EYA2: variants seen among roughly 807,000 people sequenced by gnomAD.
The protein encoded by EYA2 is EYA transcriptional coactivator and phosphatase 2.
EYA2 carries 31 observed loss-of-function variants against 69.2 expected under a neutral mutation model. The ratio of observed to expected loss-of-function variants is 0.45; its 90% CI spans 0.34 to 0.60. The LOEUF (loss-of-function observed/expected upper bound fraction) is 0.60, where lower values mean the gene tolerates loss of function less well. EYA2 is among the 20% of genes least tolerant of loss of function. EYA2 has a pLI of 0.02. For synonymous variants in EYA2, 257 were observed against 279.4 expected (o/e 0.92, Z 0.80); for missense variants, 622 against 701.2 (o/e 0.89, Z 1.28).
chr20:46,960,441 G>A (rs1247211716), intron 1 of EYA2, among the ~76,000 whole-genome samples: 3 of 152,098 alleles, frequency 2.0e-5, no homozygotes, highest in Non-Finnish European at 4.4e-5. Flanking sequence ...TACATGAATT[G>A]ATTTACTTAA....
intron 5 of EYA2, 111 bp downstream of exon 5, chr20:47,016,408 C>A: frequency 2.5e-6 from 2 of 799,038 alleles, no homozygotes; most frequent in Non-Finnish European, 4.4e-6. Context: ...ATGTGCCAGG[C>A]TCTATCTCGA....
At chr20:47,004,672 C>G (rs1379244246) in intron 3 of EYA2, among the ~76,000 whole-genome samples, 1 of 152,146 alleles carries the variant, frequency 6.6e-6, no homozygotes, top group Non-Finnish European at 1.5e-5. Flanking sequence ...GTTCATTGGC[C>G]AGGCCTGCGA....
chr20:47,135,860 AC>A (rs2033461231), intron 9 of EYA2, among the ~76,000 whole-genome samples: 11 of 140,206 alleles, frequency 7.8e-5, no homozygotes, highest in African/African-American at 3.1e-4. Flanking sequence ...CAAACAAAAA[AC>A]TAATTAATTA....
chr20:47,118,270 G>T (rs1484817114), intron 9 of EYA2, among the ~76,000 whole-genome samples: 1 of 152,298 alleles, frequency 6.6e-6, no homozygotes, highest in African/African-American at 2.4e-5. Flanking sequence ...TGAGTAAAAG[G>T]TGTTTAGTCT....
chr20:47,020,941 TA>T, intron 5 of EYA2, among the ~76,000 whole-genome samples: 1 of 152,318 alleles, frequency 6.6e-6, no homozygotes, highest in Middle Eastern at 3.4e-3. Context: ...CAGGTTGAGT[TA>T]ACCTCCAAAT....
chr20:47,141,443 T>C (rs1295404341), intron 9 of EYA2, among the ~76,000 whole-genome samples: 1 of 152,204 alleles, frequency 6.6e-6, no homozygotes, highest in Non-Finnish European at 1.5e-5. Context: ...GGCATCAGGA[T>C]TTTTAAAGGC....
chr20:46,988,377 T>C (rs1568707563), intron 1 of EYA2, among the ~76,000 whole-genome samples: 1 of 152,106 alleles, frequency 6.6e-6, no homozygotes, highest in Non-Finnish European at 1.5e-5. Context: ...GAGAAAACTT[T>C]TGACTTAGAG....
intron 5 of EYA2, among the ~76,000 whole-genome samples, chr20:47,063,884 A>G (rs1198271289): frequency 6.6e-6 from 1 of 152,076 alleles, no homozygotes; most frequent in African/African-American, 2.4e-5. Context: ...TCATTCTTTC[A>G]TTGCTTTGCT....
At chr20:47,109,506 T>G (rs776961471) in intron 9 of EYA2, among the ~76,000 whole-genome samples, 3 of 152,196 alleles carry the variant, frequency 2.0e-5, no homozygotes. Context: ...TGACATTGTT[T>G]AAATACCCTG....
At chr20:47,008,482 T>G (rs540260413) in intron 4 of EYA2, among the ~76,000 whole-genome samples, 24 of 152,354 alleles carry the variant, frequency 1.6e-4, no homozygotes, top group Non-Finnish European at 2.6e-4. Flanking sequence ...TTTCCCCTGC[T>G]GTGCTAGAAG....
intron 1 of EYA2, among the ~76,000 whole-genome samples, chr20:46,916,830 A>G (rs1298459736): frequency 6.6e-6 from 1 of 152,176 alleles, no homozygotes; most frequent in African/African-American, 2.4e-5. Context: ...TGTGCCAGAC[A>G]TTCATATGAA....
intron 1 of EYA2, among the ~76,000 whole-genome samples, chr20:46,904,043 T>C (rs1984241321): frequency 6.6e-6 from 1 of 152,162 alleles, no homozygotes; most frequent in Non-Finnish European, 1.5e-5. Context: ...ATCGAGAGAA[T>C]GTTGGGCAGT....
At chr20:47,013,876 C>T (rs1186855695) in intron 4 of EYA2, among the ~76,000 whole-genome samples, 1 of 152,208 alleles carries the variant, frequency 6.6e-6, no homozygotes, top group African/African-American at 2.4e-5. Flanking sequence ...ATTGTTGTTA[C>T]TAAAGTCTGG....
At chr20:46,943,019 G>T (rs945154036) in intron 1 of EYA2, among the ~76,000 whole-genome samples, 1 of 152,222 alleles carries the variant, frequency 6.6e-6, no homozygotes, top group Non-Finnish European at 1.5e-5. Context: ...GCCCGCCTCG[G>T]CCTCCCAAAG....
At chr20:47,174,070 C>A (rs1227543587) in intron 12 of EYA2, among the ~76,000 whole-genome samples, 1 of 152,202 alleles carries the variant, frequency 6.6e-6, no homozygotes, top group Non-Finnish European at 1.5e-5. Context: ...AGGGGTGGTA[C>A]TGCGCCCTCC....
intron 4 of EYA2, among the ~76,000 whole-genome samples, chr20:47,009,513 G>A (rs1256903086): frequency 2.6e-5 from 4 of 152,146 alleles, no homozygotes; most frequent in Admixed American, 2.6e-4. Context: ...TGACACCTAT[G>A]AACTGACCAT....
chr20:47,108,780 C>T (rs2032664447), intron 9 of EYA2, among the ~76,000 whole-genome samples: 1 of 151,916 alleles, frequency 6.6e-6, no homozygotes, highest in Non-Finnish European at 1.5e-5. Context: ...GGTCTCTACT[C>T]CTGGGCTCAA....
intron 9 of EYA2, among the ~76,000 whole-genome samples, chr20:47,135,276 C>T (rs1003572474): frequency 2.6e-5 from 4 of 151,342 alleles, no homozygotes; most frequent in East Asian, 1.9e-4. Flanking sequence ...TTTACAAAAA[C>T]GTATTTAATC....
intron 15 of EYA2, among the ~76,000 whole-genome samples, chr20:47,186,401 C>T (rs1481447346): frequency 2.9e-5 from 4 of 137,200 alleles, no homozygotes; most frequent in African/African-American, 1.1e-4. Context: ...CTCTTGTTGC[C>T]CAGGTTGGAG....
Sources: gnomAD v4.1 joint callset for allele counts (sites outside exome capture counted in the v4.1 genomes callset) on GRCh38, gnomAD v4.1.1 for gene constraint, MANE v1.5 for transcripts, NCBI Gene and HGNC (gene_info 2026-07-23, HGNC 2026-07-21) for gene names.